Variants in STK38L observed in about 807,000 individuals in gnomAD.
STK38L encodes the protein serine/threonine-protein kinase 38-like.
STK38L carries 28 observed loss-of-function variants against 59.7 expected under a neutral mutation model. The observed-to-expected ratio is 0.47, with a 90% CI of 0.35 to 0.64. STK38L has a LOEUF of 0.64. STK38L is among the 30% of genes least tolerant of loss of function. The pLI, the probability that STK38L is intolerant of heterozygous loss-of-function variation, is 0.01. For synonymous variants in STK38L, 162 were observed against 176.8 expected (o/e 0.92, Z 0.66); for missense variants, 314 against 555.8 (o/e 0.56, Z 4.37).
In STK38L at chr12:27,289,893, C is replaced by A. The variant is rs537326181; in HGVS notation, c.-11-7817C>A. On this transcript the variant is annotated intron_variant, in intron 1 of 13. Transcript: ENST00000389032. ...ATTTCTTTTTGCTACATTTCTCTCC[C>A]CTCTCCATTAGAAGTAATCTAATTT... Among the ~76,000 whole-genome samples the A allele has an allele frequency of 2.0e-5, 3 of 152,204 alleles. No individual in the cohort carries two copies. The South Asian group carries it at 6.2e-4, about 32-fold the overall frequency.
Position 27,323,779 on chromosome 12 carries a change from G to A in STK38L, c.*1324G>A, listed in dbSNP as rs1223835025. 1 of 152,170 alleles carries A rather than the reference G, an allele frequency of 6.6e-6. No homozygotes were observed. The highest frequency in any genetic ancestry group is 2.4e-5 in the African/African-American group (1 of 41,408). The allele number at this position is 152,170 out of a possible 1,614,324, so 9.4% of individuals were successfully genotyped here. A position where few individuals can be genotyped will look rare whatever the true frequency, so the allele number is the denominator to read the frequency against. On this transcript the variant is annotated 3_prime_UTR_variant, in exon 14 of 14. Coordinates refer to ENST00000389032, the MANE Select transcript of STK38L (RefSeq NM_015000.4). ...ATAATATCAGCATCAAATTCTTTGG[G>A]TATCTCTCTAAGAATTAAATAATCT...
At chr12:27,260,388 A>G (rs1301066646) in intron 1 of STK38L, among the ~76,000 whole-genome samples, 1 of 152,236 alleles carries the variant, frequency 6.6e-6, no homozygotes. Context: ...TAGTGAAAGT[A>G]GGTATTTAAT....
chr12:27,275,388 G>A (rs908822663), intron 1 of STK38L, among the ~76,000 whole-genome samples: 1 of 139,102 alleles, frequency 7.2e-6, no homozygotes, highest in African/African-American at 2.7e-5. Flanking sequence ...TTGTTGCCCA[G>A]GCTGGAGTGC....
At chr12:27,254,987 G>T (rs1289580915) in intron 1 of STK38L, among the ~76,000 whole-genome samples, 1 of 152,016 alleles carries the variant, frequency 6.6e-6, no homozygotes, top group Non-Finnish European at 1.5e-5. Flanking sequence ...AAACATTTCT[G>T]GATTTAATTT....
At chr12:27,252,979 A>G (rs1943009403) in intron 1 of STK38L, among the ~76,000 whole-genome samples, 1 of 152,236 alleles carries the variant, frequency 6.6e-6, no homozygotes, top group South Asian at 2.1e-4. Context: ...ACTGTAATTC[A>G]AACAGAAAGT....
chr12:27,271,992 A>G (rs190096537), intron 1 of STK38L, among the ~76,000 whole-genome samples: 3 of 152,196 alleles, frequency 2.0e-5, no homozygotes, highest in Non-Finnish European at 2.9e-5. Context: ...GAGCCACCGT[A>G]CTCATTAGCT....
intron 5 of STK38L, among the ~76,000 whole-genome samples, chr12:27,309,860 C>T (rs1403671070): frequency 6.6e-6 from 1 of 152,158 alleles, no homozygotes; most frequent in Non-Finnish European, 1.5e-5. Flanking sequence ...AACTAGTCTC[C>T]TGGAAATTTG....
rs373621204 is a variant in STK38L, at chr12:27,309,096, A to G, written c.310-18A>G. 2.6e-6 allele frequency: 4 copies of G among 1,546,012 alleles called. No homozygotes were observed. In the African/African-American group the frequency reaches 5.5e-5, roughly 21 times the overall value. ...AATAGTAGTGACTGTTTTATAATAT[A>G]TGTTTTTTATCTTTTAGGTGCGGTT... On this transcript the variant is annotated intron_variant, in intron 4 of 13. Transcript: ENST00000389032.
chr12:27,302,297 A>G, intron 3 of STK38L, 109 bp downstream of exon 3: 1 of 807,396 alleles, frequency 1.2e-6, no homozygotes, highest in South Asian at 2.3e-5. Flanking sequence ...TCATTTGAAT[A>G]TGGGCTTCTT....
Position 27,308,462 on chromosome 12 carries a change from G to T in STK38L, c.309+1G>T. On this transcript the variant is annotated splice_donor_variant, in intron 4 of 13. Coordinates refer to ENST00000389032, the MANE Select transcript of STK38L (RefSeq NM_015000.4). LOFTEE classifies it high-confidence loss of function. This position sits in a 1 kb window ranked among gnomAD's most constrained non-coding sequence, Gnocchi z 4.5. ...TATAGGAAGAGGAGCTTTTGGAGAGGTGTGCTTCTTTTTAAAAGTCACTAC... is the reference window on the plus strand; with the variant it reads ...TATAGGAAGAGGAGCTTTTGGAGAGTTGTGCTTCTTTTTAAAAGTCACTAC... 1 of 1,563,928 alleles carries T rather than the reference G, an allele frequency of 6.4e-7. No homozygotes were observed. Among genetic ancestry groups the T allele is most frequent in the Non-Finnish European group, 8.6e-7 (1 of 1,158,102 alleles).
intron 12 of STK38L, 50 bp from the exon 13 acceptor site, chr12:27,322,093 A>G: frequency 6.7e-7 from 1 of 1,500,686 alleles, no homozygotes; most frequent in Non-Finnish European, 9.2e-7. Flanking sequence ...ATTTGTTGGA[A>G]ATTGAGAGTT....
intron 1 of STK38L, among the ~76,000 whole-genome samples, chr12:27,290,920 A>T (rs931851647): frequency 7.2e-5 from 11 of 152,204 alleles, no homozygotes; most frequent in African/African-American, 2.7e-4. Context: ...GCAGGCTACC[A>T]GGTTGTAATC....
intron 3 of STK38L, among the ~76,000 whole-genome samples, chr12:27,303,191 A>G (rs1298352486): frequency 1.3e-5 from 2 of 149,534 alleles, no homozygotes; most frequent in Non-Finnish European, 3.0e-5. Flanking sequence ...ACTCTTCCTC[A>G]CTCCTACCCA....
Position 27,244,840 on chromosome 12 carries a change from G to A in STK38L, c.-12+508G>A, listed in dbSNP as rs373657806. On this transcript the variant is annotated intron_variant, in intron 1 of 13. Coordinates refer to ENST00000389032, the MANE Select transcript of STK38L (RefSeq NM_015000.4). ...AAGACAGACTCAGGAAAGCCTCCCA[G>A]CTCCTAGAAGCCACGGAGTGCTCAA... Among the ~76,000 whole-genome samples the A allele has an allele frequency of 3.5e-4, 54 of 152,286 alleles. No individual in the cohort carries two copies. The East Asian group carries it at 9.7e-3, about 27-fold the overall frequency.
At chr12:27,254,550 T>C (rs1943048454) in intron 1 of STK38L, among the ~76,000 whole-genome samples, 2 of 151,592 alleles carry the variant, frequency 1.3e-5, no homozygotes, top group Admixed American at 6.6e-5. Context: ...ACAGTGGTTA[T>C]TTTTTTTTCT....
intron 12 of STK38L, among the ~76,000 whole-genome samples, chr12:27,320,886 A>G (rs1944713602): frequency 6.7e-6 from 1 of 149,874 alleles, no homozygotes; most frequent in Non-Finnish European, 1.5e-5. Flanking sequence ...GGTTCACGCC[A>G]TTCTCCTGGT....
intron 1 of STK38L, chr12:27,245,732 A>G (rs1942835766): frequency 6.6e-6 from 1 of 151,976 alleles, no homozygotes; most frequent in Non-Finnish European, 1.5e-5. Context: ...TTAAATTATG[A>G]TATTACATAA....
At chr12:27,263,443 G>T (rs1943243512) in intron 1 of STK38L, among the ~76,000 whole-genome samples, 1 of 152,330 alleles carries the variant, frequency 6.6e-6, no homozygotes, top group East Asian at 1.9e-4. Context: ...ATTGAAAGGT[G>T]TTTGAGTCCT....
At chr12:27,312,968 G>C (rs1323680402) in intron 6 of STK38L, among the ~76,000 whole-genome samples, 1 of 152,166 alleles carries the variant, frequency 6.6e-6, no homozygotes, top group Non-Finnish European at 1.5e-5. Flanking sequence ...CCTGAGACTG[G>C]ATGGGCGCAG....
Sources: allele counts gnomAD v4.1 joint callset (sites outside exome capture counted in the v4.1 genomes callset), GRCh38; gene constraint gnomAD v4.1.1; non-coding constraint Gnocchi (gnomAD v3.1); transcripts MANE v1.5; gene names NCBI Gene and HGNC (gene_info 2026-07-23, HGNC 2026-07-21).